The following PALD1 variants were observed in gnomAD, a reference collection of about 807,000 sequenced individuals.
The protein encoded by PALD1 is paladin.
PALD1 carries 57 observed loss-of-function variants against 96.0 expected under a neutral mutation model. The observed-to-expected ratio is 0.59, with a 90% CI of 0.48 to 0.74. The LOEUF is 0.74. PALD1 is among the 30% of genes least tolerant of loss of function. The pLI is 0.00. For missense variants in PALD1, 1,063 were observed against 1,143.7 expected (o/e 0.93, Z 1.02); for synonymous variants, 464 against 473.6 (o/e 0.98, Z 0.26).
intron 18 of PALD1, among the ~76,000 whole-genome samples, chr10:70,561,159 C>G (rs1243512506): frequency 6.6e-6 from 1 of 152,226 alleles, no homozygotes; most frequent in Admixed American, 6.5e-5. Context: ...CTTTCTCAGA[C>G]CTAATCCTTA....
chr10:70,535,553 TTCC>T (rs1847095552), intron 10 of PALD1, among the ~76,000 whole-genome samples: 2 of 132,696 alleles, frequency 1.5e-5, no homozygotes, highest in East Asian at 2.3e-4. Context: ...CTCCTCCTCC[TTCC>T]TCCTCCTTCT....
chr10:70,527,474 G>T (rs1438976272), intron 2 of PALD1, among the ~76,000 whole-genome samples: 1 of 152,168 alleles, frequency 6.6e-6, no homozygotes, highest in Non-Finnish European at 1.5e-5. Flanking sequence ...AGTTTTATTG[G>T]AATGTTGACA....
chr10:70,511,004 G>C (rs1284429159), intron 1 of PALD1, among the ~76,000 whole-genome samples: 1 of 152,140 alleles, frequency 6.6e-6, no homozygotes, highest in Non-Finnish European at 1.5e-5. Flanking sequence ...GGGCTCCCAG[G>C]ATCCTGGAGT....
chr10:70,519,694 C>T (rs547666077), intron 1 of PALD1, among the ~76,000 whole-genome samples: 2 of 152,066 alleles, frequency 1.3e-5, no homozygotes, highest in African/African-American at 2.4e-5. Flanking sequence ...CCTGCCTTAC[C>T]CTCCCGAGTA....
intron 18 of PALD1, among the ~76,000 whole-genome samples, chr10:70,557,612 G>A (rs1266270493): frequency 1.3e-5 from 2 of 152,198 alleles, no homozygotes; most frequent in Non-Finnish European, 2.9e-5. Flanking sequence ...GGGCCCCACC[G>A]CTGGGCTGGC....
the PALD1 span, among the ~76,000 whole-genome samples, chr10:70,468,047 A>G: frequency 2.0e-5 from 3 of 152,152 alleles, no homozygotes; most frequent in African/African-American, 7.2e-5. Context: ...TTACAGATGA[A>G]GAGACTGAGG....
upstream of PALD1, among the ~76,000 whole-genome samples, chr10:70,474,092 G>A (rs1845793638): frequency 6.6e-6 from 1 of 152,186 alleles, no homozygotes; most frequent in African/African-American, 2.4e-5. Flanking sequence ...CCTGCCACAT[G>A]TCCTGGGTGC....
At chr10:70,469,023 G>A in the PALD1 span, among the ~76,000 whole-genome samples, 24 of 152,240 alleles carry the variant, frequency 1.6e-4, no homozygotes, top group Admixed American at 1.3e-3. Context: ...ACCTCTAGCC[G>A]CGGAAGGCAC....
At position 70,539,431 on chromosome 10, in the gene PALD1, T is replaced by C. The variant is rs554789773; in HGVS notation, c.1726-149T>C. The C allele has an allele frequency of 3.0e-6, 3 of 1,002,628 alleles. No individual in the cohort carries two copies. Among genetic ancestry groups the C allele is most frequent in the Non-Finnish European group, 4.3e-6 (3 of 702,522 alleles). 62.1% of individuals were successfully genotyped at this position (1,002,628 alleles called of 1,614,324 possible). On this transcript the variant is annotated intron_variant, in intron 14 of 19. Transcript: ENST00000263563. The surrounding 1 kb of genome is among the most constrained non-coding windows in gnomAD (Gnocchi z 4.5). The stretch of plus-strand genomic sequence containing the variant: ...AGTGCTCTGCTAACCTGCTTGGCTT[T>C]GGGGGGTGGCTGTGACCCCTGAGGC...
At chr10:70,532,904 G>A in intron 6 of PALD1, 91 bp from the exon 7 acceptor site, 1 of 1,506,524 alleles carries the variant, frequency 6.6e-7, no homozygotes, top group East Asian at 2.3e-5. Flanking sequence ...CCCACAGTGG[G>A]GCCCATTTCC....
intron 1 of PALD1, among the ~76,000 whole-genome samples, chr10:70,491,706 C>T (rs1196084199): frequency 6.6e-6 from 1 of 152,212 alleles, no homozygotes; most frequent in East Asian, 1.9e-4. Context: ...ACATTTTCAT[C>T]ACCCCAAAAG....
chr10:70,557,504 A>T (rs766658276), intron 18 of PALD1, among the ~76,000 whole-genome samples: 4 of 152,192 alleles, frequency 2.6e-5, no homozygotes, highest in Non-Finnish European at 5.9e-5. Context: ...AAATTACTTA[A>T]CAAAATATGA....
chr10:70,544,910 C>T (rs1013030602), intron 17 of PALD1, among the ~76,000 whole-genome samples: 1 of 152,192 alleles, frequency 6.6e-6, no homozygotes, highest in South Asian at 2.1e-4. Context: ...TGCTGGGGTG[C>T]CCAGCACCAG....
chr10:70,486,692 C>A (rs2132262369), intron 1 of PALD1, among the ~76,000 whole-genome samples: 1 of 152,250 alleles, frequency 6.6e-6, no homozygotes, highest in African/African-American at 2.4e-5. Flanking sequence ...ACCCAGGAGG[C>A]AGAGGTTGCA....
At chr10:70,529,101 G>A in intron 2 of PALD1, 128 bp from the exon 3 acceptor site, 1 of 615,970 alleles carries the variant, frequency 1.6e-6, no homozygotes, top group East Asian at 2.8e-5. Flanking sequence ...GAGGGACAAT[G>A]GGCAGTCTCT....
chr10:70,524,304 C>T (rs997543317), intron 1 of PALD1, among the ~76,000 whole-genome samples: 5 of 152,198 alleles, frequency 3.3e-5, no homozygotes, highest in African/African-American at 1.2e-4. Flanking sequence ...CACGGAGCTC[C>T]CAGAAAGTTC....
intron 1 of PALD1, among the ~76,000 whole-genome samples, chr10:70,481,700 T>TGA (rs1051620219): frequency 3.3e-5 from 5 of 152,214 alleles, no homozygotes; most frequent in East Asian, 3.9e-4. Flanking sequence ...ATCCCCCAGG[T>TGA]GAGAGAGAGA....
intron 11 of PALD1, 144 bp downstream of exon 11, chr10:70,538,050 G>A: frequency 1.3e-6 from 1 of 746,560 alleles, no homozygotes; most frequent in East Asian, 2.7e-5. Flanking sequence ...AGATTCGGGA[G>A]TAGTCCCTGA....
At position 70,531,421 on chromosome 10, in the gene PALD1, G is replaced by A. The variant is rs1205258993; in HGVS notation, c.600G>A (p.Arg200=). 4 of 1,613,908 alleles carry A rather than the reference G, an allele frequency of 2.5e-6. No individual in the cohort carries two copies. The highest frequency in any genetic ancestry group is 3.4e-6 in the Non-Finnish European group (4 of 1,179,960). Residue 200 remains arginine (R), a synonymous_variant, in exon 5 of 20, where the codon CGG becomes CGA. Transcript: ENST00000263563. The part of the protein sequence containing the change: ...ENLQGLGPGV[R]VESLELAIRK... ...TCCAGGGCCTTGGACCCGGGGTCCG[G>A]GTGGAGAGCCTGGAGCTGGCCATCC...
Sources: allele counts gnomAD v4.1 joint callset (sites outside exome capture counted in the v4.1 genomes callset), GRCh38; gene constraint gnomAD v4.1.1; non-coding constraint Gnocchi (gnomAD v3.1); transcripts MANE v1.5; gene names NCBI Gene and HGNC (gene_info 2026-07-23, HGNC 2026-07-21).